Variants in SAMD12 observed in about 807,000 individuals in gnomAD.
SAMD12 encodes the protein sterile alpha motif domain containing 12.
Under a neutral mutation model 15.0 loss-of-function variants are expected in SAMD12, and 9 were observed. The observed-to-expected ratio is 0.60, with a 90% CI of 0.36 to 1.05. The LOEUF is 1.05. Among genes scored for constraint, SAMD12 ranks in the 50% least tolerant of loss-of-function variants. The pLI, the probability that SAMD12 is intolerant of heterozygous loss-of-function variation, is 0.01. For synonymous variants in SAMD12, 86 were observed against 90.1 expected (o/e 0.96, Z 0.25); for missense variants, 230 against 234.2 (o/e 0.98, Z 0.12).
At chr8:118,490,663 T>C (rs1824416546) in intron 2 of SAMD12, among the ~76,000 whole-genome samples, 1 of 152,214 alleles carries the variant, frequency 6.6e-6, no homozygotes, top group South Asian at 2.1e-4. Flanking sequence ...CCAAAGGATC[T>C]GATCTCAGGT....
the SAMD12 span, among the ~76,000 whole-genome samples, chr8:118,154,923 C>A: frequency 1.3e-5 from 2 of 152,100 alleles, no homozygotes; most frequent in Non-Finnish European, 2.9e-5. Context: ...TTTGGGGCAG[C>A]AAATGGATGG....
intron 4 of SAMD12, among the ~76,000 whole-genome samples, chr8:118,215,797 T>A (rs535265272): frequency 1.0e-3 from 154 of 151,046 alleles, no homozygotes; most frequent in Admixed American, 2.3e-3. Flanking sequence ...CATGAACTCA[T>A]TACTTTTTAT....
At chr8:118,313,071 T>G (rs1428255251) in intron 4 of SAMD12, among the ~76,000 whole-genome samples, 1 of 152,168 alleles carries the variant, frequency 6.6e-6, no homozygotes, top group Non-Finnish European at 1.5e-5. Flanking sequence ...AAATTGGAGT[T>G]TTCCCTCCAT....
At chr8:118,563,645 T>C (rs1374893467) in intron 2 of SAMD12, among the ~76,000 whole-genome samples, 1 of 152,212 alleles carries the variant, frequency 6.6e-6, no homozygotes. Flanking sequence ...ACAAAAGCCA[T>C]AGTGGACTGA....
chr8:118,615,493 G>T (rs992319928), intron 1 of SAMD12, among the ~76,000 whole-genome samples: 2 of 152,116 alleles, frequency 1.3e-5, no homozygotes. Flanking sequence ...TTGTACATGG[G>T]TGCTACTCTA....
At chr8:118,296,777 CTCTGG>C (rs1298198892) in intron 4 of SAMD12, among the ~76,000 whole-genome samples, 5 of 152,212 alleles carry the variant, frequency 3.3e-5, no homozygotes, top group Non-Finnish European at 5.9e-5. Flanking sequence ...GCAAACTAAG[CTCTGG>C]TCTTGATGCC....
At chr8:118,564,394 A>G (rs1826792042) in intron 2 of SAMD12, among the ~76,000 whole-genome samples, 1 of 152,194 alleles carries the variant, frequency 6.6e-6, no homozygotes, top group Non-Finnish European at 1.5e-5. Context: ...ACTTACATAC[A>G]ATACAAAATG....
intron 4 of SAMD12, among the ~76,000 whole-genome samples, chr8:118,341,585 C>G (rs1485155632): frequency 6.6e-6 from 1 of 152,086 alleles, no homozygotes; most frequent in African/African-American, 2.4e-5. Context: ...AGGATGCCAG[C>G]GTGGTCAGTT....
intron 1 of SAMD12, among the ~76,000 whole-genome samples, chr8:118,594,474 A>G (rs1827668824): frequency 6.6e-6 from 1 of 152,218 alleles, no homozygotes; most frequent in Non-Finnish European, 1.5e-5. Flanking sequence ...TAAAGGTTTG[A>G]GTACTTCTAT....
rs372709065 is a variant in SAMD12 at position 118,404,796 on chromosome 8, CT to C, written c.323-25097del. 1.0e-3 allele frequency among the ~76,000 whole-genome samples: 156 copies of C among 152,052 alleles called. 1 individual carries two copies. Among genetic ancestry groups the C allele is most frequent in the African/African-American group, 3.6e-3 (150 of 41,482 alleles). On this transcript the variant is annotated intron_variant, in intron 3 of 3. Transcript: ENST00000314727. ...AAATATCAGCTCTACAAGTCCATTA[CT>C]TTTTTTTCTACTTGTAATACGCTTT...
In SAMD12 at chr8:118,318,308, GTGTATATATA is replaced by G. The variant is rs1456303582; in HGVS notation, c.433+61242_433+61251del. Among the ~76,000 whole-genome samples, 267 of 57,384 alleles carry G rather than the reference GTGTATATATA, an allele frequency of 4.7e-3. 1 individual carries two copies. The highest frequency in any genetic ancestry group is 9.7e-3 in the African/African-American group (108 of 11,116). The allele number at this position is 57,384 out of a possible 152,430, so 37.6% of individuals were successfully genotyped here. A position where few individuals can be genotyped will look rare whatever the true frequency, so the allele number is the denominator to read the frequency against. ...GATTAAAAAAATATGGGAGATATAT[GTGTATATATA>G]TATATATATATATATATATATATAT... On this transcript the variant is annotated intron_variant, in intron 4 of 4. Transcript: ENST00000409003.
At chr8:118,328,913 T>A (rs1816684820) in intron 4 of SAMD12, among the ~76,000 whole-genome samples, 1 of 152,120 alleles carries the variant, frequency 6.6e-6, no homozygotes, top group Non-Finnish European at 1.5e-5. Context: ...TCTTCCTCCC[T>A]TCAGTAATCC....
intron 4 of SAMD12, among the ~76,000 whole-genome samples, chr8:118,254,543 G>T (rs191250601): frequency 3.3e-5 from 5 of 152,120 alleles, no homozygotes; most frequent in African/African-American, 9.6e-5. Flanking sequence ...CATCTAAATT[G>T]TTTCCATTCC....
chr8:118,485,082 CT>C (rs1204433969), intron 2 of SAMD12, among the ~76,000 whole-genome samples: 1 of 152,166 alleles, frequency 6.6e-6, no homozygotes, highest in Non-Finnish European at 1.5e-5. Context: ...TTCACTTGAA[CT>C]GTTCCTCTTC....
intron 4 of SAMD12, among the ~76,000 whole-genome samples, chr8:118,270,671 G>A (rs1053660699): frequency 2.6e-5 from 4 of 152,142 alleles, no homozygotes; most frequent in Non-Finnish European, 5.9e-5. Context: ...AACATAATGT[G>A]TGCTTTTAGT....
chr8:118,610,836 G>A (rs1310656686), intron 1 of SAMD12, among the ~76,000 whole-genome samples: 1 of 152,138 alleles, frequency 6.6e-6, no homozygotes, highest in African/African-American at 2.4e-5. Context: ...AATTATGCCT[G>A]CAGTTGCAAG....
chr8:118,211,398 C>T (rs941846172), intron 4 of SAMD12, among the ~76,000 whole-genome samples: 1 of 152,220 alleles, frequency 6.6e-6, no homozygotes, highest in Non-Finnish European at 1.5e-5. Flanking sequence ...CTGCTGTCCA[C>T]AGTGGCCCTC....
intron 4 of SAMD12, among the ~76,000 whole-genome samples, chr8:118,338,402 ATTC>A (rs1342031002): frequency 6.6e-6 from 1 of 152,246 alleles, no homozygotes; most frequent in East Asian, 1.9e-4. Context: ...TTTGATATCA[ATTC>A]TTATTCTTTG....
intron 3 of SAMD12, among the ~76,000 whole-genome samples, chr8:118,426,334 T>G (rs1822234863): frequency 2.6e-5 from 4 of 152,148 alleles, no homozygotes. Context: ...CCCATTGAAC[T>G]CCGAGCCTCA....
Sources: gnomAD v4.1 joint callset for allele counts (sites outside exome capture counted in the v4.1 genomes callset) on GRCh38, gnomAD v4.1.1 for gene constraint, MANE v1.5 for transcripts, NCBI Gene and HGNC (gene_info 2026-07-23, HGNC 2026-07-21) for gene names.